Variants in MSH4 observed in about 807,000 individuals in gnomAD.
MSH4 encodes the protein mutS homolog 4, also known as mutS protein homolog 4.
In MSH4, 106 loss-of-function variants were observed where a neutral mutation model predicts 113.7. The observed-to-expected ratio is 0.93, with a 90% confidence interval of 0.80 to 1.10. MSH4 has a LOEUF of 1.10. Ranked by LOEUF, MSH4 falls within the 50% of genes least tolerant of loss-of-function variation. The probability of loss-of-function intolerance (pLI) is 0.00; values close to 1 mark genes in which losing one functional copy is unlikely to be tolerated. For synonymous variants in MSH4, 368 were observed against 380.2 expected (o/e 0.97, Z 0.37); for missense variants, 1,061 against 1,093.7 (o/e 0.97, Z 0.42).
chr1:75,841,568 T>C (rs1650960090), intron 7 of MSH4, among the ~76,000 whole-genome samples: 2 of 152,140 alleles, frequency 1.3e-5, no homozygotes, highest in East Asian at 1.9e-4. Flanking sequence ...ACTTAAAGCC[T>C]TGGGGAATGG....
At chr1:75,814,412 C>A (rs1006191382) in intron 4 of MSH4, among the ~76,000 whole-genome samples, 2 of 151,148 alleles carry the variant, frequency 1.3e-5, no homozygotes, top group Admixed American at 6.6e-5. Context: ...TTGTAGTGAG[C>A]TATGATCATG....
chr1:75,860,741 T>TG (rs2100555912), intron 8 of MSH4, among the ~76,000 whole-genome samples: 1 of 152,308 alleles, frequency 6.6e-6, no homozygotes, highest in East Asian at 1.9e-4. Context: ...TTATGTGTCT[T>TG]GGGGTTGCTC....
At chr1:75,833,263 C>A (rs1328227814) in intron 7 of MSH4, among the ~76,000 whole-genome samples, 1 of 152,108 alleles carries the variant, frequency 6.6e-6, no homozygotes, top group Non-Finnish European at 1.5e-5. Flanking sequence ...GAACTACAAA[C>A]CACTGCTCAA....
intron 17 of MSH4, among the ~76,000 whole-genome samples, chr1:75,895,225 A>G (rs2100586261): frequency 6.6e-6 from 1 of 152,290 alleles, no homozygotes; most frequent in South Asian, 2.1e-4. Context: ...GATCCTGATT[A>G]GCAAAGGGAA....
At position 75,806,990 on chromosome 1, in the gene MSH4, C is replaced by T; in HGVS notation, c.437C>T (p.Ser146Leu). The change falls in exon 3 of 20, where the codon TCA becomes TTA. Residue 146 changes from serine to leucine, a missense_variant. Transcript: ENST00000263187. ...TPQVGYSASSSSAISAHSPSV... is the reference protein window; with the variant it reads ...TPQVGYSASSLSAISAHSPSV... ...ATTTAAAAATTTACAGCTTCATCCT[C>T]ATCTGCGATTTCTGCACACTCCCCA... 1 of 1,571,508 alleles carries T rather than the reference C, an allele frequency of 6.4e-7. No homozygotes were observed. Among genetic ancestry groups the T allele is most frequent in the Non-Finnish European group, 8.6e-7 (1 of 1,166,622 alleles).
intron 6 of MSH4, among the ~76,000 whole-genome samples, chr1:75,818,509 G>C (rs1254075331): frequency 6.6e-6 from 1 of 152,140 alleles, no homozygotes; most frequent in Non-Finnish European, 1.5e-5. Context: ...TCATAACATG[G>C]TTATTAGAAT....
At chr1:75,870,622 GTTC>G (rs1651693274) in intron 9 of MSH4, among the ~76,000 whole-genome samples, 1 of 152,124 alleles carries the variant, frequency 6.6e-6, no homozygotes, top group Admixed American at 6.5e-5. Context: ...CCCTGCACAT[GTTC>G]TTCTTGCCTG....
intron 19 of MSH4, among the ~76,000 whole-genome samples, chr1:75,909,521 G>A (rs914820128): frequency 1.3e-5 from 2 of 150,424 alleles, no homozygotes; most frequent in East Asian, 2.0e-4. Flanking sequence ...CGTGCAGAAC[G>A]TGCAGGTTTG....
intron 7 of MSH4, among the ~76,000 whole-genome samples, chr1:75,834,029 A>G (rs936447640): frequency 2.0e-5 from 3 of 152,188 alleles, no homozygotes; most frequent in Non-Finnish European, 4.4e-5. Context: ...TTTACAATCT[A>G]CCCATCTGAC....
chr1:75,876,327 T>A (rs1410527546), intron 9 of MSH4, among the ~76,000 whole-genome samples: 1 of 152,140 alleles, frequency 6.6e-6, no homozygotes, highest in Non-Finnish European at 1.5e-5. Context: ...TTGGTGAATT[T>A]TTTAGTTTTT....
chr1:75,846,991 G>C (rs897254364), intron 7 of MSH4, among the ~76,000 whole-genome samples: 1 of 152,184 alleles, frequency 6.6e-6, no homozygotes, highest in Non-Finnish European at 1.5e-5. Flanking sequence ...TTCTGGAGGT[G>C]GGGAAGATCA....
chr1:75,887,911 C>A (rs1652161732), intron 15 of MSH4, among the ~76,000 whole-genome samples: 1 of 151,530 alleles, frequency 6.6e-6, no homozygotes, highest in Non-Finnish European at 1.5e-5. Flanking sequence ...GTGTCAGAAG[C>A]CACTCTAGGT....
intron 9 of MSH4, among the ~76,000 whole-genome samples, chr1:75,873,432 G>A (rs1381898017): frequency 6.6e-6 from 1 of 151,742 alleles, no homozygotes; most frequent in African/African-American, 2.4e-5. Flanking sequence ...TTTTAGTTTT[G>A]GGGGTACATG....
chr1:75,816,020 TAAA>T (rs1650285205), intron 5 of MSH4, among the ~76,000 whole-genome samples: 1 of 151,970 alleles, frequency 6.6e-6, no homozygotes, highest in Non-Finnish European at 1.5e-5. Flanking sequence ...AATAAATAAA[TAAA>T]TAAAGTATCA....
rs561124012 is a variant in MSH4, at chr1:75,851,026, A to G, written c.1230+2750A>G. The stretch of plus-strand genomic sequence containing the variant: ...CAGCTTTCTTTTGGTTAGTGTTGCC[A>G]TGGCATATCTTTACCATCCTTTTGC... On this transcript the variant is annotated intron_variant, in intron 8 of 19. Coordinates refer to ENST00000263187, the MANE Select transcript of MSH4 (RefSeq NM_002440.4). Among the ~76,000 whole-genome samples the G allele has an allele frequency of 5.9e-5, 9 of 152,274 alleles. No individual in the cohort carries two copies. In the South Asian group the frequency reaches 1.7e-3, roughly 28 times the overall value.
At chr1:75,848,093 G>A (rs561181750) in intron 7 of MSH4, 116 bp from the exon 8 acceptor site, 3 of 589,522 alleles carry the variant, frequency 5.1e-6, no homozygotes, top group East Asian at 3.0e-5. Context: ...AAGACAAAAA[G>A]TAATATTTGT....
intron 1 of MSH4, among the ~76,000 whole-genome samples, chr1:75,798,759 C>G (rs537746214): frequency 6.6e-6 from 1 of 151,890 alleles, no homozygotes; most frequent in African/African-American, 2.4e-5. Context: ...TGTTTTCCTA[C>G]GTTGCCCAGC....
chr1:75,841,724 G>A (rs1440630215), intron 7 of MSH4, among the ~76,000 whole-genome samples: 1 of 152,124 alleles, frequency 6.6e-6, no homozygotes, highest in African/African-American at 2.4e-5. Flanking sequence ...TCTGGTTGTA[G>A]TGATAGATTT....
At chr1:75,910,411 T>C (rs1199240691) in intron 19 of MSH4, among the ~76,000 whole-genome samples, 1 of 151,874 alleles carries the variant, frequency 6.6e-6, no homozygotes, top group Non-Finnish European at 1.5e-5. Flanking sequence ...TTCTGTCCCT[T>C]CTTCACTAGT....
Sources: gnomAD v4.1 joint callset for allele counts (sites outside exome capture counted in the v4.1 genomes callset) on GRCh38, gnomAD v4.1.1 for gene constraint, MANE v1.5 for transcripts, NCBI Gene and HGNC (gene_info 2026-07-23, HGNC 2026-07-21) for gene names.